MID1: variants seen among roughly 807,000 people sequenced by gnomAD.
The protein encoded by MID1 is E3 ubiquitin-protein ligase Midline-1.
MID1 carries 7 observed loss-of-function variants against 40.4 expected under a neutral mutation model. The observed-to-expected ratio is 0.17, with a 90% CI of 0.10 to 0.33. The LOEUF (loss-of-function observed/expected upper bound fraction) is 0.33, where lower values mean the gene tolerates loss of function less well. MID1 is among the 10% of genes least tolerant of loss of function. The pLI is 1.00. For missense variants in MID1, 367 were observed against 558.5 expected (o/e 0.66, Z 3.46); for synonymous variants, 229 against 221.2 (o/e 1.04, Z -0.31).
downstream of MID1, chrX:10,445,440 T>C (rs1220414130): frequency 8.9e-6 from 1 of 112,611 alleles, no homozygotes; most frequent in African/African-American, 3.2e-5. Flanking sequence ...GAAAATGAAT[T>C]ATATGTCATA....
intron 1 of MID1, among the ~76,000 whole-genome samples, chrX:10,761,242 T>TACAC (rs61485561): frequency 0.013 from 1,436 of 108,722 alleles, 10 homozygotes; most frequent in Middle Eastern, 0.028. Flanking sequence ...TCCTTCATTT[T>TACAC]ACACACACAC....
intron 1 of MID1, among the ~76,000 whole-genome samples, chrX:10,816,176 T>TTAA (rs1214536520): frequency 4.5e-5 from 5 of 111,599 alleles, no homozygotes; most frequent in Admixed American, 2.9e-4. Context: ...TTTAAATAAA[T>TTAA]TAATAATAAT....
At chrX:10,553,287 T>C (rs1439103840) in intron 2 of MID1, among the ~76,000 whole-genome samples, 1 of 108,058 alleles carries the variant, frequency 9.3e-6, no homozygotes, top group Non-Finnish European at 1.9e-5. Flanking sequence ...TATATATATG[T>C]ATACACACAC....
At chrX:10,557,548 G>A (rs1160139335) in intron 2 of MID1, among the ~76,000 whole-genome samples, 3 of 111,646 alleles carry the variant, frequency 2.7e-5, no homozygotes, top group African/African-American at 6.5e-5. Flanking sequence ...AGGTCATTGC[G>A]GAAAACTTCT....
intron 1 of MID1, among the ~76,000 whole-genome samples, chrX:10,801,608 A>T (rs996707571): frequency 5.4e-5 from 6 of 111,937 alleles, no homozygotes; most frequent in Non-Finnish European, 9.4e-5. Flanking sequence ...AAAGGACTCC[A>T]TAGTCAATAA....
chrX:10,538,720 G>A (rs1181921491), intron 2 of MID1, among the ~76,000 whole-genome samples: 1 of 111,913 alleles, frequency 8.9e-6, no homozygotes, highest in East Asian at 2.8e-4. Flanking sequence ...CAAGCTCTCA[G>A]TTACGTCTTT....
chrX:10,608,238 C>A (rs187932362), intron 1 of MID1, among the ~76,000 whole-genome samples: 128 of 112,172 alleles, frequency 1.1e-3, no homozygotes, highest in Non-Finnish European at 2.1e-3. Flanking sequence ...TATGACCCAG[C>A]AATTGCACTC....
intron 1 of MID1, among the ~76,000 whole-genome samples, chrX:10,713,131 G>A (rs1602531285): frequency 1.8e-5 from 2 of 111,448 alleles, no homozygotes; most frequent in Non-Finnish European, 3.8e-5. Flanking sequence ...CACCACACCC[G>A]GCCAGCAATC....
At chrX:10,533,031 C>CA (rs1264427997) in intron 2 of MID1, among the ~76,000 whole-genome samples, 4 of 110,791 alleles carry the variant, frequency 3.6e-5, no homozygotes, top group Non-Finnish European at 7.6e-5. Context: ...CTCAGCCTCC[C>CA]AAAGTGCTGG....
chrX:10,637,047 C>T (rs1189863360), intron 1 of MID1, among the ~76,000 whole-genome samples: 1 of 106,679 alleles, frequency 9.4e-6, no homozygotes, highest in African/African-American at 3.4e-5. Flanking sequence ...TGAACCATCT[C>T]ATCTGGGAAG....
chrX:10,643,171 A>T (rs1031018334), intron 1 of MID1, among the ~76,000 whole-genome samples: 4 of 111,278 alleles, frequency 3.6e-5, no homozygotes, highest in African/African-American at 6.6e-5. Context: ...AATGGGATCT[A>T]ATTAAACTAA....
intron 2 of MID1, among the ~76,000 whole-genome samples, chrX:10,562,189 G>A (rs1446410907): frequency 9.6e-6 from 1 of 104,367 alleles, no homozygotes; most frequent in Non-Finnish European, 1.9e-5. Context: ...ATGGACACAG[G>A]GAGGGGAACA....
chrX:10,460,446 G>A (rs1928958177), intron 7 of MID1, among the ~76,000 whole-genome samples: 2 of 111,461 alleles, frequency 1.8e-5, no homozygotes, highest in African/African-American at 3.3e-5. Flanking sequence ...GGAGCAGACC[G>A]AGTATTTATG....
intron 1 of MID1, among the ~76,000 whole-genome samples, chrX:10,612,406 G>A (rs1273829270): frequency 3.6e-5 from 4 of 111,781 alleles, no homozygotes; most frequent in Non-Finnish European, 7.5e-5. Context: ...AAGAAGTCAC[G>A]CTTTCTTCTC....
intron 3 of MID1, among the ~76,000 whole-genome samples, chrX:10,515,557 A>G (rs1932357822): frequency 8.9e-6 from 1 of 112,535 alleles, no homozygotes; most frequent in African/African-American, 3.2e-5. Context: ...AATGGCAAAA[A>G]GAATTTTAAG....
In MID1 at chrX:10,725,737, T is replaced by G. The variant is rs566296690; in HGVS notation, c.-186-105318A>C. Reference sequence around the variant, plus strand: ...TGTTGGGCGTGGTGGGGTGCACCTGTAATCCCAGCTACTTGGGAGGCTGAG... The same window carrying G: ...TGTTGGGCGTGGTGGGGTGCACCTGGAATCCCAGCTACTTGGGAGGCTGAG... On this transcript the variant is annotated intron_variant, in intron 1 of 10. Coordinates refer to the MID1 transcript ENST00000380785. Among the ~76,000 whole-genome samples the G allele has an allele frequency of 1.7e-4, 19 of 111,828 alleles. No homozygotes were observed. The South Asian group carries it at 6.4e-3, about 38-fold the overall frequency.
chrX:10,572,722 G>C (rs1157227733), intron 1 of MID1, among the ~76,000 whole-genome samples: 4 of 111,135 alleles, frequency 3.6e-5, no homozygotes, highest in Non-Finnish European at 7.5e-5. Flanking sequence ...AAATCCTATA[G>C]CTTAACATTT....
chrX:10,786,158 G>T (rs1467717939), intron 1 of MID1, among the ~76,000 whole-genome samples: 2 of 111,720 alleles, frequency 1.8e-5, no homozygotes, highest in Non-Finnish European at 3.8e-5. Context: ...GTGGGTGAAG[G>T]ATATGAACAG....
intron 2 of MID1, among the ~76,000 whole-genome samples, chrX:10,538,805 C>T (rs890618662): frequency 1.8e-5 from 2 of 111,951 alleles, no homozygotes; most frequent in African/African-American, 3.2e-5. Context: ...CAAATAGAGG[C>T]ACTGATGAAT....
Sources: gnomAD v4.1 joint callset for allele counts (sites outside exome capture counted in the v4.1 genomes callset) on GRCh38, gnomAD v4.1.1 for gene constraint, MANE v1.5 for transcripts, NCBI Gene and HGNC (gene_info 2026-07-23, HGNC 2026-07-21) for gene names.